ZNF385B: variants seen among roughly 807,000 people sequenced by gnomAD.
ZNF385B encodes zinc finger protein 385B.
In ZNF385B, 23 loss-of-function variants were observed where a neutral mutation model predicts 39.2. The observed-to-expected ratio is 0.59, with a 90% CI of 0.42 to 0.83. The LOEUF (loss-of-function observed/expected upper bound fraction) is 0.83. ZNF385B is among the 40% of genes least tolerant of loss of function. The pLI is 0.00. For missense variants in ZNF385B, 552 were observed against 598.9 expected (o/e 0.92, Z 0.82); for synonymous variants, 205 against 222.6 (o/e 0.92, Z 0.70).
chr2:179,824,589 T>G (rs1229927474), intron 1 of ZNF385B, among the ~76,000 whole-genome samples: 3 of 152,180 alleles, frequency 2.0e-5, no homozygotes, highest in East Asian at 3.8e-4. Flanking sequence ...AAATAAAATT[T>G]ATGAATAATA....
At chr2:179,572,661 T>C (rs1470755098) in intron 3 of ZNF385B, among the ~76,000 whole-genome samples, 1 of 152,126 alleles carries the variant, frequency 6.6e-6, no homozygotes, top group Non-Finnish European at 1.5e-5. Flanking sequence ...GGGCCTATCA[T>C]GGAGAAAGAA....
chr2:179,719,827 G>A (rs1057001415), intron 3 of ZNF385B, among the ~76,000 whole-genome samples: 1 of 152,170 alleles, frequency 6.6e-6, no homozygotes, highest in Non-Finnish European at 1.5e-5. Context: ...ACATAAGGAA[G>A]TTTCATACAT....
intron 1 of ZNF385B, among the ~76,000 whole-genome samples, chr2:179,789,073 T>C (rs187440493): frequency 6.9e-4 from 105 of 152,320 alleles, no homozygotes; most frequent in Non-Finnish European, 1.1e-3. Flanking sequence ...GCCTCTAATG[T>C]TACATTTGAT....
At chr2:179,703,215 T>C (rs78111865) in intron 3 of ZNF385B, among the ~76,000 whole-genome samples, 2,256 of 152,292 alleles carry the variant, frequency 0.015, 35 homozygotes, top group African/African-American at 0.038. Context: ...ACTAGCCTCT[T>C]TGCTACTCCT....
chr2:179,725,953 G>A (rs1400400350), intron 3 of ZNF385B, among the ~76,000 whole-genome samples: 1 of 149,814 alleles, frequency 6.7e-6, no homozygotes, highest in Non-Finnish European at 1.5e-5. Flanking sequence ...CAGAGAGAGA[G>A]ATAAATCTAG....
At chr2:179,696,900 A>G (rs988049031) in intron 3 of ZNF385B, among the ~76,000 whole-genome samples, 31 of 152,162 alleles carry the variant, frequency 2.0e-4, no homozygotes, top group African/African-American at 7.2e-4. Context: ...CCCCGTAAAG[A>G]AGGAAAGGGA....
chr2:179,683,914 G>A (rs953745015), intron 3 of ZNF385B, among the ~76,000 whole-genome samples: 2 of 151,910 alleles, frequency 1.3e-5, no homozygotes, highest in Non-Finnish European at 2.9e-5. Context: ...GCTTAAATTT[G>A]TTTTTTTCTG....
chr2:179,596,668 G>C (rs886642364), intron 3 of ZNF385B, among the ~76,000 whole-genome samples: 16 of 152,196 alleles, frequency 1.1e-4, no homozygotes, highest in Non-Finnish European at 2.9e-5. Flanking sequence ...TTTCAGCAAA[G>C]AGTTGTACAA....
At position 179,848,320 on chromosome 2, in the gene ZNF385B, G is replaced by A. The variant is rs187932975; in HGVS notation, c.-155+12781C>T. Among the ~76,000 whole-genome samples the A allele has an allele frequency of 7.2e-5, 11 of 152,264 alleles. 1 individual carries two copies. The South Asian group carries it at 1.2e-3, about 17-fold the overall frequency. On this transcript the variant is annotated intron_variant, in intron 1 of 9. Coordinates refer to ENST00000410066, the MANE Select transcript of ZNF385B (RefSeq NM_152520.6). The stretch of plus-strand genomic sequence containing the variant: ...ATAAGAAAATCATATCTTGTAAACC[G>A]ATCATCCCTTTCCAAAAGCCCATAT...
At chr2:179,629,819 G>A (rs1048522720) in intron 3 of ZNF385B, among the ~76,000 whole-genome samples, 2 of 152,204 alleles carry the variant, frequency 1.3e-5, no homozygotes, top group Non-Finnish European at 2.9e-5. Flanking sequence ...CCCAAATACT[G>A]CGCTTTTCCC....
intron 5 of ZNF385B, among the ~76,000 whole-genome samples, chr2:179,515,845 T>C (rs1333427290): frequency 6.6e-6 from 1 of 152,160 alleles, no homozygotes; most frequent in Non-Finnish European, 1.5e-5. Context: ...ACAAAGACTG[T>C]CATGTAAACA....
intron 6 of ZNF385B, among the ~76,000 whole-genome samples, chr2:179,462,711 A>G (rs1003004463): frequency 6.6e-5 from 10 of 152,210 alleles, no homozygotes; most frequent in African/African-American, 1.9e-4. Context: ...AGATGCACAA[A>G]AAAGGAGTAT....
At chr2:179,472,812 G>T (rs532479849) in intron 6 of ZNF385B, among the ~76,000 whole-genome samples, 1 of 152,232 alleles carries the variant, frequency 6.6e-6, no homozygotes, top group Non-Finnish European at 1.5e-5. Flanking sequence ...TCCAGGCAGG[G>T]CTGCTTCCCC....
In ZNF385B at chr2:179,738,629, G is replaced by T. The variant is rs1470382776; in HGVS notation, c.298+30874C>A. On this transcript the variant is annotated intron_variant, in intron 3 of 9. Coordinates refer to ENST00000410066, the MANE Select transcript of ZNF385B (RefSeq NM_152520.6). ...GTTGGGCCACTTTTCTAGAATAGTG[G>T]TTTTAACTGAGGCTGCACATTAGAA... Among the ~76,000 whole-genome samples the T allele has an allele frequency of 2.0e-5, 3 of 152,168 alleles. No individual in the cohort carries two copies. In the East Asian group the frequency reaches 5.8e-4, roughly 29 times the overall value.
At position 179,464,287 on chromosome 2, in the gene ZNF385B, A is replaced by T. The variant is rs544898617; in HGVS notation, c.716-17517T>A. Among the ~76,000 whole-genome samples, 5 of 152,238 alleles carry T rather than the reference A, an allele frequency of 3.3e-5. 1 individual carries two copies. The South Asian group carries it at 1.0e-3, about 32-fold the overall frequency. On this transcript the variant is annotated intron_variant, in intron 6 of 9. Transcript: ENST00000410066. ...GGCTAGATTGCAAAAATTTTCTCCC[A>T]TTCTGTAGGTTGCCTGTTCACTCTG...
At chr2:179,443,495 G>A in intron 9 of ZNF385B, 27 bp from the exon 10 acceptor site, 1 of 1,540,088 alleles carries the variant, frequency 6.5e-7, no homozygotes. Flanking sequence ...ACCAGGAATG[G>A]GGTGGAGATC....
Position 179,573,418 on chromosome 2 carries a change from G to A in ZNF385B, c.299-28449C>T, listed in dbSNP as rs560260608. On this transcript the variant is annotated intron_variant, in intron 3 of 9. Coordinates refer to ENST00000410066, the MANE Select transcript of ZNF385B (RefSeq NM_152520.6). ...ATGCTAACAATACTTTGTGAGGCCA[G>A]CAGCTATCAGGAAAAAAGAAAAACC... Among the ~76,000 whole-genome samples, 29 of 152,048 alleles carry A rather than the reference G, an allele frequency of 1.9e-4. No homozygotes were observed. The East Asian group carries it at 5.4e-3, about 28-fold the overall frequency.
intron 5 of ZNF385B, among the ~76,000 whole-genome samples, chr2:179,495,603 A>G (rs2056118598): frequency 6.6e-6 from 1 of 152,150 alleles, no homozygotes; most frequent in South Asian, 2.1e-4. Context: ...TCACAGTGGT[A>G]GTGGCCACAC....
chr2:179,618,977 A>G (rs1689986579), intron 3 of ZNF385B, among the ~76,000 whole-genome samples: 1 of 152,210 alleles, frequency 6.6e-6, no homozygotes, highest in Admixed American at 6.5e-5. Context: ...TTCAGCGAAT[A>G]TAATGCAGTT....
Sources: allele counts gnomAD v4.1 joint callset (sites outside exome capture counted in the v4.1 genomes callset), GRCh38; gene constraint gnomAD v4.1.1; transcripts MANE v1.5; gene names NCBI Gene and HGNC (gene_info 2026-07-23, HGNC 2026-07-21).